ERI3: variants seen among roughly 807,000 people sequenced by gnomAD.
The protein encoded by ERI3 is ERI1 exoribonuclease family member 3, also known as ERI1 exoribonuclease 3.
A neutral mutation model predicts 44.4 loss-of-function variants in ERI3; 18 were observed. The observed-to-expected ratio is 0.41, with a 90% CI of 0.28 to 0.60. ERI3 has a LOEUF of 0.60. Among genes scored for constraint, ERI3 ranks in the 20% least tolerant of loss-of-function variants. The pLI is 0.36. For synonymous variants in ERI3, 183 were observed against 164.8 expected, an observed-to-expected ratio of 1.11 and a Z score of -0.84; for missense variants, 294 against 435.5, an observed-to-expected ratio of 0.68 and a Z score of 2.89.
chr1:44,292,852 C>T (rs929018910), intron 6 of ERI3, among the ~76,000 whole-genome samples: 1 of 152,228 alleles, frequency 6.6e-6, no homozygotes, highest in African/African-American at 2.4e-5. Flanking sequence ...GTTTGAAATA[C>T]CAGCATGACA....
chr1:44,293,872 T>C (rs1423197037), intron 6 of ERI3, among the ~76,000 whole-genome samples: 3 of 152,162 alleles, frequency 2.0e-5, no homozygotes, highest in African/African-American at 7.2e-5. Flanking sequence ...CACGCACCTC[T>C]GGCCTGGCAC....
intron 7 of ERI3, among the ~76,000 whole-genome samples, chr1:44,258,930 T>G (rs1187060772): frequency 6.6e-6 from 1 of 152,192 alleles, no homozygotes; most frequent in Admixed American, 6.5e-5. Flanking sequence ...ACCTTCTCTT[T>G]GGGGTGCACC....
chr1:44,344,921 A>C (rs1275453448), intron 2 of ERI3, among the ~76,000 whole-genome samples: 1 of 152,236 alleles, frequency 6.6e-6, no homozygotes. Context: ...CCACGGGGCC[A>C]GCCCGATTTG....
chr1:44,338,416 G>A (rs1435297303), intron 3 of ERI3, among the ~76,000 whole-genome samples: 3 of 152,178 alleles, frequency 2.0e-5, no homozygotes, highest in Admixed American at 1.3e-4. Flanking sequence ...TCTCATGACT[G>A]GCAAGTTGGG....
chr1:44,322,665 T>C, intron 3 of ERI3: 2 of 1,493,370 alleles, frequency 1.3e-6, no homozygotes, highest in Non-Finnish European at 1.8e-6. Flanking sequence ...AAGAGAAGCT[T>C]CTGAGAAAAG....
At chr1:44,293,825 G>A (rs978727926) in intron 6 of ERI3, among the ~76,000 whole-genome samples, 1 of 152,152 alleles carries the variant, frequency 6.6e-6, no homozygotes, top group East Asian at 1.9e-4. Context: ...CTACTCTCAG[G>A]CTCTGCCCTT....
chr1:44,260,481 CT>C (rs1644871628), intron 7 of ERI3, among the ~76,000 whole-genome samples: 1 of 152,168 alleles, frequency 6.6e-6, no homozygotes, highest in Admixed American at 6.5e-5. Context: ...CCTGGACCTT[CT>C]GGTTACAAAG....
At chr1:44,329,210 TCTAA>T (rs1646379663) in intron 3 of ERI3, among the ~76,000 whole-genome samples, 1 of 152,192 alleles carries the variant, frequency 6.6e-6, no homozygotes, top group Admixed American at 6.5e-5. Context: ...ATCTGGTCTA[TCTAA>T]CTGCCTCTGG....
intron 2 of ERI3, among the ~76,000 whole-genome samples, chr1:44,346,957 A>T (rs1360359352): frequency 1.3e-5 from 2 of 152,178 alleles, no homozygotes; most frequent in African/African-American, 4.8e-5. Flanking sequence ...ATCTACTCCA[A>T]GCCAGGCATT....
chr1:44,316,689 A>C (rs1446240136), intron 4 of ERI3, among the ~76,000 whole-genome samples: 1 of 152,266 alleles, frequency 6.6e-6, no homozygotes, highest in African/African-American at 2.4e-5. Context: ...CAAAGAGACC[A>C]ATAAATCTCA....
intron 3 of ERI3, among the ~76,000 whole-genome samples, chr1:44,321,153 C>T (rs1557849854): frequency 6.6e-6 from 1 of 152,176 alleles, no homozygotes; most frequent in African/African-American, 2.4e-5. Flanking sequence ...GCAAAACATA[C>T]CCACTAATAT....
chr1:44,302,512 T>C (rs1645748085), intron 6 of ERI3, among the ~76,000 whole-genome samples: 1 of 151,994 alleles, frequency 6.6e-6, no homozygotes, highest in South Asian at 2.1e-4. Flanking sequence ...AGAATAGAGG[T>C]GTCCAAAGTG....
intron 2 of ERI3, among the ~76,000 whole-genome samples, chr1:44,351,892 A>T (rs1186629479): frequency 6.6e-6 from 1 of 151,926 alleles, no homozygotes; most frequent in African/African-American, 2.4e-5. Context: ...GAGGAGGTTT[A>T]CTTCCTCTGA....
In ERI3 at chr1:44,241,865, T is replaced by C; in HGVS notation, c.931+6074A>G. ...ATACATACATACAGGAGAACCTTCT[T>C]CCATCCATCTGTCCATCAACTCACC... is the stretch of plus-strand genomic sequence containing the variant. On this transcript the variant is annotated intron_variant, in intron 8 of 8. Transcript: ENST00000372257. This position sits in a 1 kb window ranked among gnomAD's most constrained non-coding sequence, Gnocchi z 5.6. 1.3e-5 allele frequency: 9 copies of C among 701,748 alleles called. No homozygotes were observed. Among genetic ancestry groups the C allele is most frequent in the Non-Finnish European group, 1.6e-5 (9 of 571,976 alleles). 43.5% of individuals were successfully genotyped at this position (701,748 alleles called of 1,614,324 possible).
At chr1:44,300,430 G>A (rs775880054) in intron 6 of ERI3, among the ~76,000 whole-genome samples, 5 of 152,220 alleles carry the variant, frequency 3.3e-5, no homozygotes, top group Non-Finnish European at 5.9e-5. Context: ...GAGGGGTTGT[G>A]CTTGTTGATC....
intron 3 of ERI3, among the ~76,000 whole-genome samples, chr1:44,320,191 A>T (rs1466102074): frequency 6.6e-6 from 1 of 152,222 alleles, no homozygotes; most frequent in Admixed American, 6.5e-5. Context: ...AGTTTGAACC[A>T]AGCTGGTAAG....
At chr1:44,349,459 C>T (rs1380637081) in intron 2 of ERI3, among the ~76,000 whole-genome samples, 1 of 152,188 alleles carries the variant, frequency 6.6e-6, no homozygotes, top group Non-Finnish European at 1.5e-5. Context: ...CCACGCCTGG[C>T]CAGTTCTGGG....
chr1:44,336,808 G>C (rs150996923), intron 3 of ERI3, among the ~76,000 whole-genome samples: 72 of 152,342 alleles, frequency 4.7e-4, no homozygotes, highest in African/African-American at 1.7e-3. Flanking sequence ...TAATGAACCA[G>C]GGCAGCCAAT....
chr1:44,333,458 G>T (rs980698683), intron 3 of ERI3, among the ~76,000 whole-genome samples: 1 of 152,120 alleles, frequency 6.6e-6, no homozygotes, highest in Non-Finnish European at 1.5e-5. Context: ...CTACAACCAG[G>T]ACAAGCACAT....
Sources: allele counts gnomAD v4.1 joint callset (sites outside exome capture counted in the v4.1 genomes callset), GRCh38; gene constraint gnomAD v4.1.1; non-coding constraint Gnocchi (gnomAD v3.1); transcripts MANE v1.5; gene names NCBI Gene and HGNC (gene_info 2026-07-23, HGNC 2026-07-21).